The following PAX9 variants were observed in gnomAD, a reference collection of about 807,000 sequenced individuals.
The protein encoded by PAX9 is paired box 9.
In PAX9, 6 loss-of-function variants were observed where a neutral mutation model predicts 29.1. The ratio of observed to expected loss-of-function variants is 0.21; its 90% CI spans 0.11 to 0.41. PAX9 has a LOEUF of 0.41. Ranked by LOEUF, PAX9 falls within the 10% of genes least tolerant of loss-of-function variation. The pLI is 1.00. For synonymous variants in PAX9, 217 were observed against 211.7 expected (o/e 1.03, Z -0.22); for missense variants, 443 against 479.1 (o/e 0.92, Z 0.70).
At chr14:36,668,989 A>G (rs960816437) in intron 3 of PAX9, among the ~76,000 whole-genome samples, 1 of 152,220 alleles carries the variant, frequency 6.6e-6, no homozygotes, top group African/African-American at 2.4e-5. Context: ...TATGAAACTT[A>G]CATTTGCGAA....
chr14:36,671,868 T>C (rs1452692828), intron 3 of PAX9: 1 of 152,228 alleles, frequency 6.6e-6, no homozygotes, highest in Admixed American at 6.5e-5. Flanking sequence ...GTCAGTGTGA[T>C]GAAGTTGGTC....
At position 36,661,998 on chromosome 14, in the gene PAX9, G is replaced by A. The variant is rs1193913232; in HGVS notation, c.-92G>A. On this transcript the variant is annotated 5_prime_UTR_variant, in exon 1 of 4. Transcript: ENST00000361487. The stretch of plus-strand genomic sequence containing the variant: ...GAAGCGGAGGCGCCGGCGGTCGGCC[G>A]GGATAGCAACAGGCCGGGCCACTGA... 8 of 1,516,464 alleles carry A rather than the reference G, an allele frequency of 5.3e-6. No individual in the cohort carries two copies. The East Asian group carries it at 7.4e-5, about 14-fold the overall frequency. 93.9% of individuals were successfully genotyped at this position (1,516,464 alleles called of 1,614,324 possible).
chr14:36,669,666 A>G (rs965664391), intron 3 of PAX9, among the ~76,000 whole-genome samples: 1 of 152,162 alleles, frequency 6.6e-6, no homozygotes, highest in Non-Finnish European at 1.5e-5. Flanking sequence ...TAGAGTTTCT[A>G]TTTTCAGCTT....
Position 36,676,610 on chromosome 14 carries a change from CATA to C in PAX9, c.*159_*161del. 1 of 811,420 alleles carries C rather than the reference CATA, an allele frequency of 1.2e-6. No homozygotes were observed. Among genetic ancestry groups the C allele is most frequent in the Non-Finnish European group, 2.0e-6 (1 of 501,172 alleles). 50.3% of individuals were successfully genotyped at this position (811,420 alleles called of 1,614,324 possible). ...ACATCCTTTGTGCTAATGACACTTA[CATA>C]TTTCTTGCCATAACTTTTCTCTTGC... On this transcript the variant is annotated 3_prime_UTR_variant, in exon 4 of 4. Transcript: ENST00000361487.
chr14:36,659,382 G>A (rs1410166578), upstream of PAX9, among the ~76,000 whole-genome samples: 3 of 152,064 alleles, frequency 2.0e-5, no homozygotes, highest in Non-Finnish European at 4.4e-5. Context: ...TGACTACCTC[G>A]CCCTAGCACT....
At chr14:36,659,082 C>T (rs1221250293), upstream of PAX9, among the ~76,000 whole-genome samples, 1 of 152,224 alleles carries the variant, frequency 6.6e-6, no homozygotes, top group Non-Finnish European at 1.5e-5. Context: ...TAGGGAAAGG[C>T]TTTTTGGCTT....
chr14:36,658,998 C>G (rs940560199), upstream of PAX9, among the ~76,000 whole-genome samples: 1 of 152,222 alleles, frequency 6.6e-6, no homozygotes, highest in East Asian at 1.9e-4. Flanking sequence ...ACTCTCGGCC[C>G]GGCTTCCAGT....
At chr14:36,660,437 A>G (rs1881213961), upstream of PAX9, among the ~76,000 whole-genome samples, 1 of 152,196 alleles carries the variant, frequency 6.6e-6, no homozygotes, top group East Asian at 1.9e-4. Flanking sequence ...TTTACCTTTC[A>G]CATCCTCCAT....
At chr14:36,663,997 C>T (rs778984782) in intron 2 of PAX9, among the ~76,000 whole-genome samples, 3 of 152,218 alleles carry the variant, frequency 2.0e-5, no homozygotes. Flanking sequence ...TCCAGCACGC[C>T]TTGGAAATTG....
At chr14:36,674,056 A>C (rs1216833240) in intron 3 of PAX9, among the ~76,000 whole-genome samples, 1 of 152,240 alleles carries the variant, frequency 6.6e-6, no homozygotes, top group African/African-American at 2.4e-5. Context: ...GACAATTCTA[A>C]ATAAAAATGA....
Position 36,662,016 on chromosome 14 carries a change from G to A in PAX9, c.-74G>A, listed in dbSNP as rs1881288621. 2.6e-6 allele frequency: 4 copies of A among 1,547,678 alleles called. No individual in the cohort carries two copies. Among genetic ancestry groups the A allele is most frequent in the Non-Finnish European group, 2.6e-6 (3 of 1,144,288 alleles). On this transcript the variant is annotated 5_prime_UTR_variant, in exon 1 of 4. Transcript: ENST00000361487. ...GTCGGCCGGGATAGCAACAGGCCGG[G>A]CCACTGAGGCGGTGCGGAAAGTTTC...
In PAX9 at chr14:36,665,709, A is replaced by G. The variant is rs187640476; in HGVS notation, c.632-753A>G. Among the ~76,000 whole-genome samples, 386 of 152,202 alleles carry G rather than the reference A, an allele frequency of 2.5e-3. 2 individuals are homozygous for G. The highest frequency in any genetic ancestry group is 0.017 in the South Asian group (82 of 4,808). ...CTATTTCATTTTCTCTTTCTTGTATATACATTTTTTAAACTCTTTCAGGAA... is the reference window on the plus strand; with the variant it reads ...CTATTTCATTTTCTCTTTCTTGTATGTACATTTTTTAAACTCTTTCAGGAA... On this transcript the variant is annotated intron_variant, in intron 2 of 3. Coordinates refer to ENST00000361487, the MANE Select transcript of PAX9 (RefSeq NM_001372076.1).
At chr14:36,670,784 T>C (rs1278757681) in intron 3 of PAX9, among the ~76,000 whole-genome samples, 1 of 152,066 alleles carries the variant, frequency 6.6e-6, no homozygotes, top group Non-Finnish European at 1.5e-5. Flanking sequence ...TTCAAGGCTA[T>C]GTCAATTTTA....
chr14:36,665,894 A>G (rs1363462157), intron 2 of PAX9: 1 of 154,766 alleles, frequency 6.5e-6, no homozygotes, highest in East Asian at 1.9e-4. Flanking sequence ...TTTGCACTGT[A>G]TCGTGGGAAT....
chr14:36,666,368 C>A, intron 2 of PAX9, 94 bp from the exon 3 acceptor site: 2 of 1,501,070 alleles, frequency 1.3e-6, no homozygotes, highest in Non-Finnish European at 1.8e-6. Context: ...AAGGTCTAAG[C>A]CCTCCAGCTC....
upstream of PAX9, among the ~76,000 whole-genome samples, chr14:36,660,551 G>C (rs958102866): frequency 1.3e-5 from 2 of 152,162 alleles, no homozygotes; most frequent in Admixed American, 1.3e-4. Flanking sequence ...TTTTTCCTGG[G>C]TTCTTGCAAC....
rs1229849654 is a variant in PAX9 at position 36,679,325 on chromosome 14, T to C, written c.*2873T>C. 1.0e-6 allele frequency: 1 copy of C among 970,636 alleles called. No individual in the cohort carries two copies. Among genetic ancestry groups the C allele is most frequent in the Non-Finnish European group, 1.2e-6 (1 of 816,554 alleles). The allele number at this position is 970,636 out of a possible 1,614,324, so 60.1% of individuals were successfully genotyped here. A position where few individuals can be genotyped will look rare whatever the true frequency, so the allele number is the denominator to read the frequency against. On this transcript the variant is annotated 3_prime_UTR_variant, in exon 4 of 4. Coordinates refer to ENST00000361487, the MANE Select transcript of PAX9 (RefSeq NM_001372076.1). ...GTATGTCAAAAGCCTTTTATTTTTA[T>C]ACTTCAAATGCTCTAAATTAATAAA...
At chr14:36,675,437 T>C (rs372818515) in intron 3 of PAX9, among the ~76,000 whole-genome samples, 8 of 152,256 alleles carry the variant, frequency 5.3e-5, no homozygotes, top group South Asian at 2.1e-4. Context: ...AAGAGATTTA[T>C]CCACGTGGCT....
rs1051763295 is a variant in PAX9 at position 36,678,713 on chromosome 14, T to C, written c.*2261T>C. On this transcript the variant is annotated 3_prime_UTR_variant, in exon 4 of 4. Coordinates refer to ENST00000361487, the MANE Select transcript of PAX9 (RefSeq NM_001372076.1). ...ATAATGTTATTTTCTTTATCTAAAT[T>C]AAGAAATCTCTTGTTATTGTGCTAT... The C allele has an allele frequency of 8.2e-7, 1 of 1,215,060 alleles. No homozygotes were observed. Among genetic ancestry groups the C allele is most frequent in the East Asian group, 3.2e-5 (1 of 30,948 alleles). 75.3% of individuals were successfully genotyped at this position (1,215,060 alleles called of 1,614,324 possible).
Sources: gnomAD v4.1 joint callset for allele counts (sites outside exome capture counted in the v4.1 genomes callset) on GRCh38, gnomAD v4.1.1 for gene constraint, MANE v1.5 for transcripts, NCBI Gene and HGNC (gene_info 2026-07-23, HGNC 2026-07-21) for gene names.